DLGAP1: variants seen among roughly 807,000 people sequenced by gnomAD.
The protein encoded by DLGAP1 is disks large-associated protein 1.
A neutral mutation model predicts 90.8 loss-of-function variants in DLGAP1; 11 were observed. The observed-to-expected ratio is 0.12, with a 90% CI of 0.08 to 0.20. The LOEUF is 0.20. Ranked by LOEUF, DLGAP1 falls within the 10% of genes least tolerant of loss-of-function variation. DLGAP1 has a pLI of 1.00. For synonymous variants in DLGAP1, 558 were observed against 540.7 expected (o/e 1.03, Z -0.44); for missense variants, 1,050 against 1,333.8 (o/e 0.79, Z 3.31).
intron 5 of DLGAP1, among the ~76,000 whole-genome samples, chr18:3,777,891 T>A (rs1399164354): frequency 6.6e-6 from 1 of 152,160 alleles, no homozygotes; most frequent in Non-Finnish European, 1.5e-5. Flanking sequence ...GTCAGAGTCC[T>A]GGGTAGGTGG....
chr18:4,043,191 TA>T (rs1396042059), intron 2 of DLGAP1, among the ~76,000 whole-genome samples: 1 of 152,242 alleles, frequency 6.6e-6, no homozygotes, highest in Non-Finnish European at 1.5e-5. Context: ...GTTGTAAATA[TA>T]ATTTCTATAC....
intron 7 of DLGAP1, among the ~76,000 whole-genome samples, chr18:3,615,240 A>C (rs551757952): frequency 7.9e-5 from 12 of 152,280 alleles, no homozygotes; most frequent in African/African-American, 2.9e-4. Context: ...AATTTTTAAA[A>C]AGATGCATAA....
chr18:4,043,992 G>A (rs2075013686), intron 2 of DLGAP1, among the ~76,000 whole-genome samples: 1 of 152,134 alleles, frequency 6.6e-6, no homozygotes, highest in South Asian at 2.1e-4. Flanking sequence ...CATTTAAAAA[G>A]TATTTAAAAT....
At chr18:4,453,057 T>A (rs912776473) in intron 1 of DLGAP1, among the ~76,000 whole-genome samples, 1 of 152,184 alleles carries the variant, frequency 6.6e-6, no homozygotes, top group African/African-American at 2.4e-5. Context: ...ACAAGGTAAC[T>A]AACATTTTCT....
chr18:4,415,155 C>A (rs978729328), intron 1 of DLGAP1, among the ~76,000 whole-genome samples: 1 of 152,016 alleles, frequency 6.6e-6, no homozygotes, highest in Non-Finnish European at 1.5e-5. Context: ...GTTTCTCATA[C>A]TCTATAAACC....
intron 7 of DLGAP1, among the ~76,000 whole-genome samples, chr18:3,651,513 C>T (rs2059301238): frequency 6.6e-6 from 1 of 152,202 alleles, no homozygotes; most frequent in South Asian, 2.1e-4. Context: ...AAAGATTCAG[C>T]TGGGCAAGGT....
intron 1 of DLGAP1, among the ~76,000 whole-genome samples, chr18:4,429,189 C>T (rs1303103214): frequency 6.6e-6 from 1 of 152,178 alleles, no homozygotes; most frequent in African/African-American, 2.4e-5. Flanking sequence ...ACTCTATTCT[C>T]TTCCAGGATG....
At chr18:4,192,801 C>A (rs2077425544) in intron 1 of DLGAP1, among the ~76,000 whole-genome samples, 1 of 152,016 alleles carries the variant, frequency 6.6e-6, no homozygotes, top group Non-Finnish European at 1.5e-5. Flanking sequence ...TAAGGAGATG[C>A]CAAATCATGA....
chr18:4,144,867 A>C (rs13381798), intron 2 of DLGAP1, among the ~76,000 whole-genome samples: 14,435 of 152,216 alleles, frequency 0.095, 2,056 homozygotes, highest in African/African-American at 0.31. Flanking sequence ...TCCAAGTTGC[A>C]CCTTTTTACT....
intron 12 of DLGAP1, among the ~76,000 whole-genome samples, chr18:3,501,471 A>G (rs970632139): frequency 6.6e-6 from 1 of 152,190 alleles, no homozygotes; most frequent in Non-Finnish European, 1.5e-5. Context: ...TGGTGACAGA[A>G]TTGGAAACGG....
chr18:3,792,467 T>C (rs1188117071), intron 5 of DLGAP1, among the ~76,000 whole-genome samples: 1 of 142,336 alleles, frequency 7.0e-6, no homozygotes, highest in Non-Finnish European at 1.5e-5. Context: ...CGAGACTCCA[T>C]CTCAAAAAAA....
At chr18:4,328,546 T>C (rs898991549) in intron 1 of DLGAP1, among the ~76,000 whole-genome samples, 3 of 151,990 alleles carry the variant, frequency 2.0e-5, no homozygotes, top group African/African-American at 7.2e-5. Flanking sequence ...TATGTTTTCA[T>C]TTCTCTTGGA....
chr18:3,566,326 A>C (rs529451873), intron 9 of DLGAP1, among the ~76,000 whole-genome samples: 1 of 152,166 alleles, frequency 6.6e-6, no homozygotes, highest in South Asian at 2.1e-4. Context: ...CCAGCATTGC[A>C]TAATTATATC....
chr18:4,251,405 C>T (rs997696999), intron 1 of DLGAP1, among the ~76,000 whole-genome samples: 13 of 152,238 alleles, frequency 8.5e-5, no homozygotes, highest in African/African-American at 2.6e-4. Flanking sequence ...AAGGTTGGAC[C>T]ACAGGAGTCC....
At position 4,442,137 on chromosome 18, in the gene DLGAP1, G is replaced by A. The variant is rs544462862; in HGVS notation, c.-267+12869C>T. ...CTCCCAAGTAGCTGGGATTACAGGC[G>A]CACGCCACCATGCCGGGATATTTTT... On this transcript the variant is annotated intron_variant, in intron 1 of 12. Coordinates refer to ENST00000315677, the MANE Select transcript of DLGAP1 (RefSeq NM_004746.4). 7.9e-5 allele frequency among the ~76,000 whole-genome samples: 12 copies of A among 152,076 alleles called. No individual in the cohort carries two copies. In the East Asian group the frequency reaches 1.5e-3, roughly 20 times the overall value.
chr18:4,050,664 C>A (rs911424254), intron 2 of DLGAP1, among the ~76,000 whole-genome samples: 2 of 152,182 alleles, frequency 1.3e-5, no homozygotes, highest in African/African-American at 4.8e-5. Context: ...CACAGGATAG[C>A]CTTTTATGTC....
intron 1 of DLGAP1, among the ~76,000 whole-genome samples, chr18:4,407,062 A>T (rs554893521): frequency 6.6e-6 from 1 of 152,280 alleles, no homozygotes; most frequent in African/African-American, 2.4e-5. Flanking sequence ...TGAACCATGA[A>T]ATCTATTTAC....
At chr18:3,637,068 T>C (rs2058746436) in intron 7 of DLGAP1, among the ~76,000 whole-genome samples, 1 of 152,074 alleles carries the variant, frequency 6.6e-6, no homozygotes, top group Non-Finnish European at 1.5e-5. Context: ...CTAAGGAAAC[T>C]CAATCTTTTC....
chr18:3,524,604 T>A (rs114172932), intron 10 of DLGAP1, among the ~76,000 whole-genome samples: 1,869 of 152,234 alleles, frequency 0.012, 38 homozygotes, highest in African/African-American at 0.042. Flanking sequence ...TCGAGTCAGG[T>A]AGGCACAGTG....
Sources: gnomAD v4.1 joint callset for allele counts (sites outside exome capture counted in the v4.1 genomes callset) on GRCh38, gnomAD v4.1.1 for gene constraint, MANE v1.5 for transcripts, NCBI Gene and HGNC (gene_info 2026-07-23, HGNC 2026-07-21) for gene names.